The following RSBN1 variants were observed in gnomAD, a reference collection of about 807,000 sequenced individuals.
RSBN1 encodes round spermatid basic protein 1, also known as lysine-specific demethylase 9.
In RSBN1, 23 loss-of-function variants were observed where a neutral mutation model predicts 74.8. The ratio of observed to expected loss-of-function variants is 0.31; its 90% CI spans 0.22 to 0.44. RSBN1 has a LOEUF of 0.44. RSBN1 is among the 20% of genes least tolerant of loss of function. The pLI, the probability that RSBN1 is intolerant of heterozygous loss-of-function variation, is 1.00. For synonymous variants in RSBN1, 407 were observed against 379.6 expected, an observed-to-expected ratio of 1.07 and a Z score of -0.84; for missense variants, 808 against 1,020.9, an observed-to-expected ratio of 0.79 and a Z score of 2.84.
At chr1:113,804,262 T>C (rs953000332) in intron 1 of RSBN1, among the ~76,000 whole-genome samples, 3 of 152,090 alleles carry the variant, frequency 2.0e-5, no homozygotes, top group Admixed American at 6.5e-5. Context: ...GAGAAACACA[T>C]AAGAAAGATC....
rs368038415 is a variant in RSBN1, at chr1:113,784,490, G to A, written c.1378-6682C>T. On this transcript the variant is annotated intron_variant, in intron 2 of 6. Transcript: ENST00000261441. ...GTTTTGTGGAAGACAATTTTTCCACGGAAAAGGGCAGGGGGTTGGCAGGCA... is the reference window on the plus strand; with the variant it reads ...GTTTTGTGGAAGACAATTTTTCCACAGAAAAGGGCAGGGGGTTGGCAGGCA... Among the ~76,000 whole-genome samples the A allele has an allele frequency of 1.5e-4, 23 of 152,258 alleles. 1 individual carries two copies. Among genetic ancestry groups the A allele is most frequent in the Admixed American group, 9.2e-4 (14 of 15,298 alleles).
In RSBN1 at chr1:113,776,908, A is replaced by G. The variant is rs138395439; in HGVS notation, c.1658+302T>C. On this transcript the variant is annotated intron_variant, in intron 4 of 6. Coordinates refer to ENST00000261441, the MANE Select transcript of RSBN1 (RefSeq NM_018364.5). ...GGTATGGCCGGAGAAGACTAAACAC[A>G]GATACATCTAGAAGAGGTACAGTTG... Among the ~76,000 whole-genome samples, 4 of 152,278 alleles carry G rather than the reference A, an allele frequency of 2.6e-5. No homozygotes were observed. In the East Asian group the frequency reaches 7.7e-4, roughly 29 times the overall value.
At chr1:113,771,686 T>C (rs1039103395) in intron 4 of RSBN1, among the ~76,000 whole-genome samples, 1 of 149,972 alleles carries the variant, frequency 6.7e-6, no homozygotes, top group Admixed American at 6.7e-5. Context: ...TGGAAGAAAG[T>C]AATGTACCTT....
intron 1 of RSBN1, among the ~76,000 whole-genome samples, chr1:113,801,040 C>T (rs536769630): frequency 7.9e-5 from 12 of 151,022 alleles, no homozygotes; most frequent in African/African-American, 2.4e-4. Context: ...AGTGCAGTGG[C>T]GTGATCTCTG....
In RSBN1 at chr1:113,812,241, C is replaced by G; in HGVS notation, c.172G>C (p.Val58Leu). The G allele has an allele frequency of 3.1e-6, 5 of 1,606,490 alleles. No homozygotes were observed. The highest frequency in any genetic ancestry group is 4.2e-6 in the Non-Finnish European group (5 of 1,179,880). Residue 58 changes from valine (V) to leucine (L), a missense_variant, in exon 1 of 7, where the codon GTA (valine) becomes CTA (leucine). Val to Leu is a conservative substitution (Grantham distance 32). Transcript: ENST00000261441. The part of the protein sequence containing the change: ...EMAAQVGAVR[V>L]VRAVAAQEEP... ...TCCTGCGCCGCCACCGCCCGTACTA[C>G]GCGCACCGCTCCGACCTGCGCAGCC...
At chr1:113,790,373 T>G (rs1406781253) in intron 2 of RSBN1, among the ~76,000 whole-genome samples, 4 of 152,172 alleles carry the variant, frequency 2.6e-5, no homozygotes, top group African/African-American at 9.7e-5. Flanking sequence ...TGACAACAGT[T>G]TTTTAAAAAC....
At chr1:113,789,365 G>A (rs1035906939) in intron 2 of RSBN1, among the ~76,000 whole-genome samples, 11 of 152,156 alleles carry the variant, frequency 7.2e-5, no homozygotes, top group Admixed American at 2.0e-4. Flanking sequence ...CCAACTCTAC[G>A]GGGAAAGAAG....
chr1:113,774,764 G>C (rs961245118), intron 4 of RSBN1, among the ~76,000 whole-genome samples: 5 of 151,890 alleles, frequency 3.3e-5, no homozygotes, highest in African/African-American at 1.2e-4. Flanking sequence ...GGCTGAGGTG[G>C]GAGGATCACT....
rs180937651 is a variant in RSBN1 at position 113,773,771 on chromosome 1, G to C, written c.1658+3439C>G. ...TGTAATCCCAGCACTTGGGGAGGCT[G>C]AGGCAGAAGGATCACAAGGTCAAGA... On this transcript the variant is annotated intron_variant, in intron 4 of 6. Transcript: ENST00000261441. Among the ~76,000 whole-genome samples the C allele has an allele frequency of 1.2e-4, 18 of 152,282 alleles. No individual in the cohort carries two copies. In the East Asian group the frequency reaches 3.3e-3, roughly 28 times the overall value.
At chr1:113,799,601 C>T (rs1304223416) in intron 1 of RSBN1, among the ~76,000 whole-genome samples, 2 of 115,634 alleles carry the variant, frequency 1.7e-5, no homozygotes, top group Non-Finnish European at 3.6e-5. Context: ...CACACACACA[C>T]ACACACACAC....
chr1:113,763,938 A>C lies in RSBN1; in HGVS notation c.*2042T>G, dbSNP rs1659733976. ...AATCGGATCTTGGAAGACAAGAAAA[A>C]ATTAAAAAAAAAAAATTTTTGCTTT... is the stretch of plus-strand genomic sequence containing the variant. On this transcript the variant is annotated 3_prime_UTR_variant, in exon 7 of 7. Coordinates refer to ENST00000261441, the MANE Select transcript of RSBN1 (RefSeq NM_018364.5). 6.6e-6 allele frequency: 1 copy of C among 152,434 alleles called. No homozygotes were observed. The highest frequency in any genetic ancestry group is 2.4e-5 in the African/African-American group (1 of 41,408). 9.4% of individuals were successfully genotyped at this position (152,434 alleles called of 1,614,324 possible). A position where few individuals can be genotyped will look rare whatever the true frequency, so the allele number is the denominator to read the frequency against.
intron 2 of RSBN1, among the ~76,000 whole-genome samples, chr1:113,795,187 T>C (rs1207181527): frequency 3.3e-5 from 5 of 152,214 alleles, no homozygotes; most frequent in African/African-American, 9.7e-5. Context: ...CACTAATCTC[T>C]TCTCCATGGT....
chr1:113,799,093 C>A (rs1269364667), intron 1 of RSBN1, among the ~76,000 whole-genome samples: 1 of 152,182 alleles, frequency 6.6e-6, no homozygotes, highest in Admixed American at 6.5e-5. Flanking sequence ...CTCCTGAGCA[C>A]TTAACACATG....
chr1:113,806,530 T>C (rs983285730), intron 1 of RSBN1, among the ~76,000 whole-genome samples: 3 of 151,138 alleles, frequency 2.0e-5, no homozygotes, highest in Non-Finnish European at 2.9e-5. Flanking sequence ...CAGATTAAAA[T>C]ACAAAAGTTA....
At chr1:113,774,381 A>C (rs560731206) in intron 4 of RSBN1, among the ~76,000 whole-genome samples, 22 of 152,130 alleles carry the variant, frequency 1.4e-4, no homozygotes, top group African/African-American at 4.8e-4. Context: ...ATTAAAATTA[A>C]AAAAAACAAC....
chr1:113,800,127 G>A (rs768321626), intron 1 of RSBN1, among the ~76,000 whole-genome samples: 46 of 152,116 alleles, frequency 3.0e-4, no homozygotes, highest in Non-Finnish European at 5.3e-4. Context: ...CAAGGGTTAC[G>A]AAACCTTCTA....
intron 2 of RSBN1, among the ~76,000 whole-genome samples, chr1:113,782,218 T>C (rs930767720): frequency 1.3e-5 from 2 of 152,196 alleles, no homozygotes; most frequent in Non-Finnish European, 2.9e-5. Flanking sequence ...ATTTCCTTGA[T>C]GGTATAAAAT....
chr1:113,804,178 A>C (rs1660649794), intron 1 of RSBN1, among the ~76,000 whole-genome samples: 1 of 152,194 alleles, frequency 6.6e-6, no homozygotes, highest in South Asian at 2.1e-4. Context: ...TTAAGAATTA[A>C]ATGAGACAAT....
In RSBN1 at chr1:113,779,435, C is replaced by T. The variant is rs551135995; in HGVS notation, c.1378-1627G>A. 3.9e-5 allele frequency among the ~76,000 whole-genome samples: 6 copies of T among 152,126 alleles called. No homozygotes were observed. In the South Asian group the frequency reaches 1.2e-3, roughly 32 times the overall value. ...ATTTTTTAATTCCTTACAAATCCTC[C>T]CCCCAAGATCACTTTAGATGATTCT... On this transcript the variant is annotated intron_variant, in intron 2 of 6. Coordinates refer to ENST00000261441, the MANE Select transcript of RSBN1 (RefSeq NM_018364.5).
Sources: allele counts gnomAD v4.1 joint callset (sites outside exome capture counted in the v4.1 genomes callset), GRCh38; gene constraint gnomAD v4.1.1; transcripts MANE v1.5; gene names NCBI Gene and HGNC (gene_info 2026-07-23, HGNC 2026-07-21).